SNTG1: variants seen among roughly 807,000 people sequenced by gnomAD.
SNTG1 encodes gamma-1-syntrophin.
Under a neutral mutation model 74.7 loss-of-function variants are expected in SNTG1, and 39 were observed. The ratio of observed to expected loss-of-function variants is 0.52; its 90% CI spans 0.40 to 0.68. The LOEUF is 0.68. SNTG1 is among the 30% of genes least tolerant of loss of function. SNTG1 has a pLI of 0.00. For missense variants in SNTG1, 685 were observed against 609.5 expected (o/e 1.12, Z -1.30); for synonymous variants, 254 against 217.1 (o/e 1.17, Z -1.49).
chr8:50,205,948 C>T (rs1313619351), intron 2 of SNTG1, among the ~76,000 whole-genome samples: 1 of 152,056 alleles, frequency 6.6e-6, no homozygotes, highest in Non-Finnish European at 1.5e-5. Flanking sequence ...GGTACCAGTA[C>T]CATGCTGTTT....
intron 2 of SNTG1, among the ~76,000 whole-genome samples, chr8:50,266,608 G>A (rs2087478392): frequency 6.7e-6 from 1 of 149,338 alleles, no homozygotes; most frequent in Non-Finnish European, 1.5e-5. Context: ...TTTTGGTGGG[G>A]CATATGGTAC....
chr8:50,031,871 A>G (rs986220331), intron 1 of SNTG1, among the ~76,000 whole-genome samples: 2 of 152,110 alleles, frequency 1.3e-5, no homozygotes, highest in Admixed American at 1.3e-4. Flanking sequence ...ATTTTCTAGA[A>G]AAGAATGTGT....
intron 2 of SNTG1, among the ~76,000 whole-genome samples, chr8:50,304,199 AG>A (rs2089778620): frequency 6.6e-6 from 1 of 152,148 alleles, no homozygotes; most frequent in Admixed American, 6.6e-5. Flanking sequence ...AGAAGAGAAT[AG>A]GTTTTGCCTC....
Position 50,536,806 on chromosome 8 carries a change from T to A in SNTG1, c.678T>A (p.Ser226Arg), listed in dbSNP as rs1348288378. ...AGTATGTGCCCGGCACAGATTTGAG[T>A]CGGTGAGTCCGTGTTTAGGAGTTAT... ...FSQYVPGTDL[S>R]RQNAFQVIAV... is the part of the protein sequence containing the mutation. The change falls in exon 11 of 19, where the codon AGT becomes AGA. Residue 226 changes from serine to arginine, a missense_variant and splice_region_variant. Coordinates refer to ENST00000642720, the MANE Select transcript of SNTG1 (RefSeq NM_018967.5). The A allele has an allele frequency of 3.1e-6, 5 of 1,613,858 alleles. No individual in the cohort carries two copies. In the South Asian group the frequency reaches 3.3e-5, roughly 11 times the overall value.
chr8:50,273,046 G>C (rs1325651048), intron 2 of SNTG1, among the ~76,000 whole-genome samples: 1 of 152,072 alleles, frequency 6.6e-6, no homozygotes, highest in African/African-American at 2.4e-5. Flanking sequence ...TTAAATATTA[G>C]TGTTTATTCA....
chr8:50,554,692 GA>G (rs1167190206), intron 12 of SNTG1, among the ~76,000 whole-genome samples: 1 of 151,780 alleles, frequency 6.6e-6, no homozygotes, highest in African/African-American at 2.4e-5. Flanking sequence ...GAAAAACAAA[GA>G]AAAAAATAGA....
chr8:50,579,567 C>A (rs564386480), intron 12 of SNTG1, among the ~76,000 whole-genome samples: 3 of 152,136 alleles, frequency 2.0e-5, no homozygotes, highest in Non-Finnish European at 4.4e-5. Flanking sequence ...TCCAGGCCCC[C>A]CTGCTATGTG....
intron 15 of SNTG1, among the ~76,000 whole-genome samples, chr8:50,669,001 T>C (rs2095264660): frequency 6.6e-6 from 1 of 151,932 alleles, no homozygotes; most frequent in African/African-American, 2.4e-5. Flanking sequence ...TACCCAGTAA[T>C]AAGATTTAAA....
chr8:50,165,082 G>T (rs1251755287), intron 1 of SNTG1, among the ~76,000 whole-genome samples: 1 of 152,232 alleles, frequency 6.6e-6, no homozygotes, highest in South Asian at 2.1e-4. Context: ...GTTGAATTAG[G>T]TGTCAGGTGT....
chr8:50,780,846 T>C (rs1453123943), intron 18 of SNTG1, among the ~76,000 whole-genome samples: 2 of 152,342 alleles, frequency 1.3e-5, no homozygotes, highest in Admixed American at 1.3e-4. Context: ...CATTTAATGC[T>C]ATAAATTTCC....
intron 2 of SNTG1, among the ~76,000 whole-genome samples, chr8:50,258,347 AT>A (rs2086983765): frequency 1.3e-5 from 2 of 152,214 alleles, no homozygotes; most frequent in Non-Finnish European, 2.9e-5. Flanking sequence ...AATAAAATAT[AT>A]TTTTGATGAA....
intron 1 of SNTG1, among the ~76,000 whole-genome samples, chr8:50,138,450 TC>T (rs1179468018): frequency 6.6e-6 from 1 of 151,394 alleles, no homozygotes; most frequent in Non-Finnish European, 1.5e-5. Flanking sequence ...AAACTCCATC[TC>T]TACTAATAAA....
At chr8:50,380,185 G>C (rs532749919) in intron 2 of SNTG1, among the ~76,000 whole-genome samples, 7 of 152,308 alleles carry the variant, frequency 4.6e-5, no homozygotes, top group Admixed American at 6.5e-5. Flanking sequence ...TGCTTAAATA[G>C]TTGACTCCAA....
chr8:50,521,288 G>C (rs189994490), intron 9 of SNTG1, among the ~76,000 whole-genome samples: 1 of 152,106 alleles, frequency 6.6e-6, no homozygotes, highest in Non-Finnish European at 1.5e-5. Flanking sequence ...GTCTAGGGGA[G>C]GGATAGCATT....
chr8:50,623,998 T>C (rs1055506184), intron 13 of SNTG1, among the ~76,000 whole-genome samples: 1 of 152,026 alleles, frequency 6.6e-6, no homozygotes, highest in East Asian at 1.9e-4. Flanking sequence ...CCTCTATTAA[T>C]GTAAATTCAT....
At chr8:50,189,051 T>C (rs1415449308) in intron 2 of SNTG1, among the ~76,000 whole-genome samples, 1 of 152,032 alleles carries the variant, frequency 6.6e-6, no homozygotes, top group Non-Finnish European at 1.5e-5. Flanking sequence ...CTTAATGAGG[T>C]ACACACTTCC....
chr8:49,922,781 A>G (rs1338895612), intron 1 of SNTG1, among the ~76,000 whole-genome samples: 1 of 152,098 alleles, frequency 6.6e-6, no homozygotes, highest in Non-Finnish European at 1.5e-5. Context: ...TTATTTTTTC[A>G]TGTACTGACC....
At chr8:50,379,036 G>A (rs2092437000) in intron 2 of SNTG1, among the ~76,000 whole-genome samples, 1 of 152,148 alleles carries the variant, frequency 6.6e-6, no homozygotes, top group Non-Finnish European at 1.5e-5. Flanking sequence ...GCATTCTGCA[G>A]CTGTTCATGG....
chr8:50,272,054 T>C (rs2087813112), intron 2 of SNTG1, among the ~76,000 whole-genome samples: 1 of 152,154 alleles, frequency 6.6e-6, no homozygotes, highest in Non-Finnish European at 1.5e-5. Context: ...TCTGCCTGTA[T>C]TTTTTATTGG....
Sources: allele counts gnomAD v4.1 joint callset (sites outside exome capture counted in the v4.1 genomes callset), GRCh38; gene constraint gnomAD v4.1.1; transcripts MANE v1.5; gene names NCBI Gene and HGNC (gene_info 2026-07-23, HGNC 2026-07-21).